HYCC2: variants seen among roughly 807,000 people sequenced by gnomAD.
The protein encoded by HYCC2 is hyccin PI4KA lipid kinase complex subunit 2, also known as hyccin 2.
the HYCC2 span, among the ~76,000 whole-genome samples, chr2:201,002,432 G>A: frequency 3.3e-5 from 5 of 151,968 alleles, no homozygotes; most frequent in African/African-American, 1.2e-4. Flanking sequence ...TTAGTAGGAG[G>A]AAAAACTCTC....
the HYCC2 span, among the ~76,000 whole-genome samples, chr2:201,068,471 G>A: frequency 6.6e-6 from 1 of 152,134 alleles, no homozygotes; most frequent in Admixed American, 6.5e-5. Flanking sequence ...ACTCTGAAGT[G>A]GAAGCCAGTG....
the HYCC2 span, among the ~76,000 whole-genome samples, chr2:200,991,659 C>T: frequency 6.6e-6 from 1 of 152,064 alleles, no homozygotes; most frequent in Non-Finnish European, 1.5e-5. Context: ...CGCTTGAACC[C>T]ATGAGGCAGA....
the HYCC2 span, among the ~76,000 whole-genome samples, chr2:201,056,636 T>G: frequency 4.1e-5 from 6 of 146,980 alleles, no homozygotes; most frequent in Non-Finnish European, 8.9e-5. Flanking sequence ...ATCATGCCAT[T>G]GCACTCCAGC....
the HYCC2 span, among the ~76,000 whole-genome samples, chr2:201,055,110 G>T: frequency 6.6e-6 from 1 of 152,104 alleles, no homozygotes; most frequent in Non-Finnish European, 1.5e-5. Context: ...TTAGTTAACT[G>T]ACACAGTTCA....
At chr2:200,995,381 TTCACAC>T in the HYCC2 span, among the ~76,000 whole-genome samples, 1 of 152,194 alleles carries the variant, frequency 6.6e-6, no homozygotes, top group Non-Finnish European at 1.5e-5. Flanking sequence ...CTTTCTGGTA[TTCACAC>T]TGTGTCATGC....
the HYCC2 span, among the ~76,000 whole-genome samples, chr2:200,994,083 T>C: frequency 6.6e-6 from 1 of 152,154 alleles, no homozygotes; most frequent in Non-Finnish European, 1.5e-5. Flanking sequence ...ATAAATGTAA[T>C]GTTAGACCAT....
the HYCC2 span, among the ~76,000 whole-genome samples, chr2:201,056,868 T>G: frequency 2.0e-5 from 3 of 152,166 alleles, no homozygotes; most frequent in African/African-American, 7.2e-5. Flanking sequence ...CTTGGCACTA[T>G]TGGCATTTTG....
the HYCC2 span, among the ~76,000 whole-genome samples, chr2:201,005,401 A>G: frequency 1.3e-5 from 2 of 152,128 alleles, no homozygotes; most frequent in Admixed American, 6.6e-5. Flanking sequence ...TCTTTTCCAC[A>G]TCACCTCAAC....
At chr2:200,975,044 CT>C in the HYCC2 span, 1 of 151,832 alleles carries the variant, frequency 6.6e-6, no homozygotes, top group Non-Finnish European at 1.5e-5. Context: ...TTATTCAATC[CT>C]GATGAGTAGG....
At chr2:200,998,700 C>A in the HYCC2 span, among the ~76,000 whole-genome samples, 1 of 152,092 alleles carries the variant, frequency 6.6e-6, no homozygotes. Context: ...ATTTAGAGAC[C>A]TTTTTAAAAA....
chr2:200,997,916 G>A, the HYCC2 span, among the ~76,000 whole-genome samples: 1 of 152,132 alleles, frequency 6.6e-6, no homozygotes, highest in East Asian at 1.9e-4. Context: ...CATGCCTGTA[G>A]TCCCAGCTAC....
At chr2:201,052,862 TC>T in the HYCC2 span, among the ~76,000 whole-genome samples, 1 of 152,086 alleles carries the variant, frequency 6.6e-6, no homozygotes, top group Non-Finnish European at 1.5e-5. Context: ...ACTCTGAAGA[TC>T]TGCAAAGGAT....
the HYCC2 span, chr2:201,062,991 A>T: frequency 7.0e-7 from 1 of 1,426,480 alleles, no homozygotes; most frequent in Non-Finnish European, 9.8e-7. Context: ...AGCAGCTAAC[A>T]TTTATTATGC....
the HYCC2 span, among the ~76,000 whole-genome samples, chr2:201,030,647 T>C: frequency 6.6e-6 from 1 of 151,852 alleles, no homozygotes; most frequent in Non-Finnish European, 1.5e-5. Flanking sequence ...GGCGAGATCT[T>C]GGCTCACTGC....
At chr2:201,034,041 C>T in the HYCC2 span, among the ~76,000 whole-genome samples, 3 of 151,230 alleles carry the variant, frequency 2.0e-5, no homozygotes, top group Admixed American at 2.0e-4. Flanking sequence ...TTGATCTTTC[C>T]TATAACCACA....
chr2:200,982,905 G>C, the HYCC2 span, among the ~76,000 whole-genome samples: 1 of 152,072 alleles, frequency 6.6e-6, no homozygotes, highest in African/African-American at 2.4e-5. Flanking sequence ...TTACAGGCGT[G>C]TGTCACCACG....
the HYCC2 span, among the ~76,000 whole-genome samples, chr2:201,049,471 C>T: frequency 2.0e-5 from 3 of 151,956 alleles, no homozygotes; most frequent in African/African-American, 7.2e-5. Context: ...CTGCCTCAGC[C>T]CCCCGAGTAG....
the HYCC2 span, among the ~76,000 whole-genome samples, chr2:200,989,005 G>A: frequency 6.6e-6 from 1 of 152,206 alleles, no homozygotes; most frequent in South Asian, 2.1e-4. Context: ...CTGGATAGGT[G>A]TGCCTGATCA....
the HYCC2 span, chr2:201,023,941 A>C: frequency 1.9e-6 from 3 of 1,591,200 alleles, no homozygotes; most frequent in Non-Finnish European, 1.7e-6. Flanking sequence ...ATACATTCTG[A>C]TCTCCAATCC....
Sources: gnomAD v4.1 joint callset for allele counts (sites outside exome capture counted in the v4.1 genomes callset) on GRCh38, gnomAD v4.1.1 for gene constraint, MANE v1.5 for transcripts, NCBI Gene and HGNC (gene_info 2026-07-23, HGNC 2026-07-21) for gene names.